The following DNAH5 variants were observed in gnomAD, a reference collection of about 807,000 sequenced individuals.
DNAH5 encodes dynein axonemal heavy chain 5.
DNAH5 carries 372 observed loss-of-function variants against 518.2 expected under a neutral mutation model. The observed-to-expected ratio is 0.72, with a 90% CI of 0.66 to 0.78. The LOEUF (loss-of-function observed/expected upper bound fraction) is 0.78. Ranked by LOEUF, DNAH5 falls within the 30% of genes least tolerant of loss-of-function variation. The pLI is 0.00. For synonymous variants in DNAH5, 2,039 were observed against 2,025.9 expected (o/e 1.01, Z -0.17); for missense variants, 5,523 against 5,687.0 (o/e 0.97, Z 0.93).
At chr5:13,825,233 A>T (rs557121573) in intron 38 of DNAH5, among the ~76,000 whole-genome samples, 1 of 152,050 alleles carries the variant, frequency 6.6e-6, no homozygotes, top group South Asian at 2.1e-4. Context: ...GATCCCAGCT[A>T]CTCAGGAGGC....
intron 3 of DNAH5, among the ~76,000 whole-genome samples, chr5:13,926,409 C>T (rs144978641): frequency 1.3e-5 from 2 of 152,298 alleles, no homozygotes; most frequent in Non-Finnish European, 2.9e-5. Context: ...CCTCTGGCCT[C>T]ACACAGTCAG....
At chr5:13,700,902 G>A (rs555865017) in intron 77 of DNAH5, 31 bp from the exon 78 acceptor site, 77 of 1,602,912 alleles carry the variant, frequency 4.8e-5, no homozygotes, top group African/African-American at 8.0e-5. Context: ...TGAATGGAGC[G>A]GTTAGAGGTT....
chr5:13,858,625 T>A (rs1193167807), intron 30 of DNAH5, among the ~76,000 whole-genome samples: 1 of 152,084 alleles, frequency 6.6e-6, no homozygotes, highest in African/African-American at 2.4e-5. Flanking sequence ...ATGAAAAACA[T>A]GCACAAATAC....
chr5:13,793,980 TA>T lies in DNAH5; in HGVS notation c.7965del (p.Phe2655LeufsTer5). The T allele has an allele frequency of 6.2e-7, 1 of 1,614,042 alleles. No individual in the cohort carries two copies. Among genetic ancestry groups the T allele is most frequent in the Non-Finnish European group, 8.5e-7 (1 of 1,179,968 alleles). Reference sequence around the variant, plus strand: ...ATTATTGGCATATTCACATCATCAATAAAAACAGTCATCTTCTTTCCCGCAG... The same window carrying T: ...ATTATTGGCATATTCACATCATCAATAAAACAGTCATCTTCTTTCCCGCAG... ...GPPAGKKMTV[F>X]IDDVNMPIIN... On this transcript the variant is annotated frameshift_variant, in exon 48 of 79. Coordinates refer to ENST00000265104, the MANE Select transcript of DNAH5 (RefSeq NM_001369.3). LOFTEE classifies it high-confidence loss of function.
intron 65 of DNAH5, among the ~76,000 whole-genome samples, chr5:13,748,070 G>A (rs540407328): frequency 1.3e-5 from 2 of 152,260 alleles, no homozygotes; most frequent in Admixed American, 6.5e-5. Flanking sequence ...ATGTAAGGAA[G>A]GGATCCAGTT....
At chr5:13,999,121 C>T (rs773440866) in intron 1 of DNAH5, among the ~76,000 whole-genome samples, 1 of 152,248 alleles carries the variant, frequency 6.6e-6, no homozygotes, top group African/African-American at 2.4e-5. Flanking sequence ...ATCTGCCCGC[C>T]TTGGCCTCCC....
At chr5:13,890,629 AG>A (rs1334156609) in intron 17 of DNAH5, among the ~76,000 whole-genome samples, 2 of 152,182 alleles carry the variant, frequency 1.3e-5, no homozygotes, top group African/African-American at 4.8e-5. Flanking sequence ...TTTGTCTAGA[AG>A]CTGTTCAAAA....
At chr5:13,821,722 T>C (rs1488896911) in intron 40 of DNAH5, among the ~76,000 whole-genome samples, 1 of 152,226 alleles carries the variant, frequency 6.6e-6, no homozygotes, top group Non-Finnish European at 1.5e-5. Context: ...GATTTGCCCT[T>C]CAGATTTTTA....
At chr5:13,936,661 A>G (rs1357689832) in intron 1 of DNAH5, among the ~76,000 whole-genome samples, 2 of 152,232 alleles carry the variant, frequency 1.3e-5, no homozygotes, top group Non-Finnish European at 2.9e-5. Context: ...TAAATCAAAC[A>G]GCACTCGAAT....
chr5:13,965,139 T>C (rs1781445385), intron 1 of DNAH5, among the ~76,000 whole-genome samples: 1 of 152,286 alleles, frequency 6.6e-6, no homozygotes, highest in East Asian at 1.9e-4. Context: ...TCAACATGTG[T>C]TTCTAGAACT....
rs376641196 is a variant in DNAH5 at position 13,864,621 on chromosome 5, G to C, written c.4372C>G (p.Arg1458Gly). The C allele has an allele frequency of 6.2e-7, 1 of 1,614,058 alleles. No individual in the cohort carries two copies. Among genetic ancestry groups the C allele is most frequent in the Admixed American group, 1.7e-5 (1 of 60,008 alleles). The change falls in exon 28 of 79, where the codon CGG becomes GGG. Residue 1458 changes from arginine (R) to glycine (G), a missense_variant. Arg to Gly is a moderately radical substitution (Grantham distance 125). Around this residue, in one of 3 missense-constraint regions of DNAH5, gnomAD observed 5,121 missense variants for 5,223.3 expected, o/e 0.98. Transcript: ENST00000265104. ...EFQNRCRKLP[R>G]ALKDWQAFLD... ...AAAGCCTGCCAGTCCTTCAAGGCCCGGGGAAGCTTTCGACATCTGTGAAGG... is the reference window on the plus strand; with the variant it reads ...AAAGCCTGCCAGTCCTTCAAGGCCCCGGGAAGCTTTCGACATCTGTGAAGG...
Position 13,865,708 on chromosome 5 carries a change from TA to T in DNAH5, c.4314del (p.Asn1438LysfsTer10), listed in dbSNP as rs765355281. ...AAGAGTTCATTGTTAATTTTTTCAATATTCACCTCTGACCAAAGAATATCAT... is the reference window on the plus strand; with the variant it reads ...AAGAGTTCATTGTTAATTTTTTCAATTTCACCTCTGACCAAAGAATATCAT... ...SYYDILWSEV[N>X]IEKINNELLE... On this transcript the variant is annotated frameshift_variant, in exon 27 of 79. Transcript: ENST00000265104. LOFTEE classifies it high-confidence loss of function. 1 of 1,602,128 alleles carries T rather than the reference TA, an allele frequency of 6.2e-7. No homozygotes were observed. Among genetic ancestry groups the T allele is most frequent in the East Asian group, 2.2e-5 (1 of 44,824 alleles).
At chr5:13,987,839 C>CAAA (rs397939421) in intron 1 of DNAH5, among the ~76,000 whole-genome samples, 1 of 101,980 alleles carries the variant, frequency 9.8e-6, no homozygotes. Context: ...GGGCAAGTCT[C>CAAA]AAAAAAAAAA....
At position 13,844,843 on chromosome 5, in the gene DNAH5, G is replaced by T. The variant is rs373540353; in HGVS notation, c.5265C>A (p.His1755Gln). Residue 1755 changes from histidine (H) to glutamine (Q), a missense_variant, in exon 32 of 79, where the codon CAC (histidine) becomes CAA (glutamine). Physicochemically the swap from His to Gln is conservative, Grantham distance 24. Transcript: ENST00000265104. The stretch of plus-strand genomic sequence containing the variant: ...CCATTAGAATTAGGCGAACCTTTTC[G>T]TGGAACTTGACAGATTTAATGTTGT... ...VFDNIKSVKFHEKIYDRILSI... is the reference protein window; with the variant it reads ...VFDNIKSVKFQEKIYDRILSI... 8 of 1,614,158 alleles carry T rather than the reference G, an allele frequency of 5.0e-6. No homozygotes were observed. The highest frequency in any genetic ancestry group is 2.2e-5 in the East Asian group (1 of 44,886).
chr5:13,891,573 T>G (rs762524743), intron 16 of DNAH5, among the ~76,000 whole-genome samples: 10 of 152,194 alleles, frequency 6.6e-5, no homozygotes, highest in Non-Finnish European at 4.4e-5. Flanking sequence ...TGAATCCATG[T>G]GCATTGGAGT....
chr5:13,704,155 G>A (rs1742481615), intron 76 of DNAH5, among the ~76,000 whole-genome samples: 3 of 152,174 alleles, frequency 2.0e-5, no homozygotes, highest in African/African-American at 4.8e-5. Flanking sequence ...CAGTGACTTG[G>A]CACTAGGGCA....
intron 1 of DNAH5, among the ~76,000 whole-genome samples, chr5:13,989,607 C>T (rs1464250846): frequency 1.3e-5 from 2 of 151,682 alleles, no homozygotes; most frequent in Non-Finnish European, 2.9e-5. Context: ...CCTCAGCCTC[C>T]GGAGTAGCTG....
intron 1 of DNAH5, among the ~76,000 whole-genome samples, chr5:13,991,922 T>C (rs961418529): frequency 1.3e-5 from 2 of 152,200 alleles, no homozygotes; most frequent in African/African-American, 4.8e-5. Flanking sequence ...TAAAGAACTT[T>C]GAGTGTCATC....
At chr5:13,828,697 T>C (rs1210328648) in intron 38 of DNAH5, among the ~76,000 whole-genome samples, 1 of 152,236 alleles carries the variant, frequency 6.6e-6, no homozygotes, top group Non-Finnish European at 1.5e-5. Flanking sequence ...CTGTAGGAAC[T>C]AAAGGTGGCC....
Sources: allele counts gnomAD v4.1 joint callset (sites outside exome capture counted in the v4.1 genomes callset), GRCh38; gene constraint gnomAD v4.1.1; regional missense constraint gnomAD v4.1.1; transcripts MANE v1.5; gene names NCBI Gene and HGNC (gene_info 2026-07-23, HGNC 2026-07-21).